IPO5: variants seen among roughly 807,000 people sequenced by gnomAD.
IPO5 encodes the protein importin 5.
In IPO5, 18 loss-of-function variants were observed where a neutral mutation model predicts 143.3. The ratio of observed to expected loss-of-function variants is 0.13; its 90% CI spans 0.09 to 0.19. The LOEUF is 0.19. Among genes scored for constraint, IPO5 ranks in the 10% least tolerant of loss-of-function variants. The pLI is 1.00. For missense variants in IPO5, 1,013 were observed against 1,336.9 expected (o/e 0.76, Z 3.78); for synonymous variants, 477 against 465.7 (o/e 1.02, Z -0.31).
chr13:98,007,600 C>G (rs1308578415), intron 17 of IPO5: 1 of 152,416 alleles, frequency 6.6e-6, no homozygotes, highest in African/African-American at 2.4e-5. Flanking sequence ...ATGTTTTTTA[C>G]CAATAAAATA....
chr13:98,006,051 C>T (rs1470184727), intron 16 of IPO5, 79 bp from the exon 17 acceptor site: 5 of 941,350 alleles, frequency 5.3e-6, no homozygotes, highest in South Asian at 1.4e-5. Context: ...CATTCAAGAA[C>T]TTGAAGGGAG....
At chr13:97,966,013 G>T (rs555245993) in intron 2 of IPO5, among the ~76,000 whole-genome samples, 1 of 151,576 alleles carries the variant, frequency 6.6e-6, no homozygotes, top group Non-Finnish European at 1.5e-5. Flanking sequence ...GTGGTGGCTT[G>T]TGCCTTAATC....
At chr13:97,999,148 A>C (rs1888547962) in intron 12 of IPO5, among the ~76,000 whole-genome samples, 1 of 152,168 alleles carries the variant, frequency 6.6e-6, no homozygotes, top group Non-Finnish European at 1.5e-5. Context: ...ATCTCAAAAA[A>C]AATAAAAAGC....
chr13:97,998,059 T>C (rs1338873092), intron 12 of IPO5, among the ~76,000 whole-genome samples: 1 of 152,214 alleles, frequency 6.6e-6, no homozygotes. Context: ...CACCGCAAGC[T>C]CCGCCTCCGG....
Position 97,997,540 on chromosome 13 carries a change from T to C in IPO5, c.923T>C (p.Met308Thr), listed in dbSNP as rs777447798. Reference protein sequence around the residue: ...TNIVAQTIPQMLAMMVDLEED... With the variant: ...TNIVAQTIPQTLAMMVDLEED... The stretch of plus-strand genomic sequence containing the variant: ...TAATTGTTTACTTTAGTTCCTCAGA[T>C]GTTAGCAATGATGGTTGATTTGGAA... Residue 308 changes from methionine (M) to threonine (T), a missense_variant, in exon 12 of 29, where the codon ATG (methionine) becomes ACG (threonine). Transcript: ENST00000651721. 2 of 1,597,654 alleles carry C rather than the reference T, an allele frequency of 1.3e-6. No individual in the cohort carries two copies. Among genetic ancestry groups the C allele is most frequent in the Non-Finnish European group, 1.7e-6 (2 of 1,165,560 alleles).
intron 4 of IPO5, among the ~76,000 whole-genome samples, chr13:97,978,973 T>A (rs1886617935): frequency 6.6e-6 from 1 of 152,224 alleles, no homozygotes; most frequent in African/African-American, 2.4e-5. Flanking sequence ...GTTTTTACTT[T>A]CTTTGTATAT....
chr13:97,973,038 C>CTTTTTTTTTTT (rs34572861), intron 3 of IPO5, among the ~76,000 whole-genome samples: 2 of 76,366 alleles, frequency 2.6e-5, no homozygotes, highest in Non-Finnish European at 4.9e-5. Flanking sequence ...CTTTTATCTT[C>CTTTTTTTTTTT]TTTTTTTTTT....
intron 12 of IPO5, among the ~76,000 whole-genome samples, chr13:98,000,296 A>AT (rs1295192050): frequency 6.6e-6 from 1 of 152,088 alleles, no homozygotes; most frequent in East Asian, 1.9e-4. Flanking sequence ...AAAAAAAAAA[A>AT]GAAAAATAAG....
chr13:98,012,960 G>GTT (rs1242568971), intron 21 of IPO5, among the ~76,000 whole-genome samples: 1 of 152,080 alleles, frequency 6.6e-6, no homozygotes, highest in Non-Finnish European at 1.5e-5. Flanking sequence ...TGTCTTAATA[G>GTT]ATTAGAGAAC....
chr13:97,991,778 G>T (rs908570813), intron 9 of IPO5, among the ~76,000 whole-genome samples: 2 of 152,210 alleles, frequency 1.3e-5, no homozygotes, highest in African/African-American at 4.8e-5. Flanking sequence ...AAAATAATTT[G>T]TGAGTTAGTT....
intron 3 of IPO5, 47 bp from the exon 4 acceptor site, chr13:97,976,646 C>T (rs371249087): frequency 1.9e-5 from 17 of 911,898 alleles, no homozygotes; most frequent in Middle Eastern, 2.7e-4. Flanking sequence ...CCCGCGAGCG[C>T]GCCTCACGGC....
intron 27 of IPO5, among the ~76,000 whole-genome samples, chr13:98,020,590 G>A (rs953814693): frequency 6.6e-6 from 1 of 152,102 alleles, no homozygotes; most frequent in African/African-American, 2.4e-5. Context: ...TTCGCTATCA[G>A]GTTTTTTCCC....
intron 4 of IPO5, chr13:97,979,858 A>T (rs977195069): frequency 2.2e-6 from 1 of 456,606 alleles, no homozygotes; most frequent in African/African-American, 2.0e-5. Flanking sequence ...AGAGGATAAC[A>T]TTGAAAAATA....
At chr13:97,971,154 C>T (rs1885796453) in intron 3 of IPO5, among the ~76,000 whole-genome samples, 1 of 152,198 alleles carries the variant, frequency 6.6e-6, no homozygotes, top group Non-Finnish European at 1.5e-5. Context: ...TGAGTCCCTC[C>T]ATCTGCAGAT....
At position 98,018,342 on chromosome 13, in the gene IPO5, C is replaced by T. The variant is rs1890258223; in HGVS notation, c.2617-143C>T. On this transcript the variant is annotated intron_variant, in intron 25 of 28. Coordinates refer to ENST00000651721, the MANE Select transcript of IPO5 (RefSeq NM_002271.6). ...GTATTTGATTGAATATCGTTGGTCA[C>T]AAGAAGTGGTTGTTACTATGTTTTC... 8 of 631,172 alleles carry T rather than the reference C, an allele frequency of 1.3e-5. No homozygotes were observed. In the South Asian group the frequency reaches 1.7e-4, roughly 13 times the overall value. The allele number at this position is 631,172 out of a possible 1,614,324, so 39.1% of individuals were successfully genotyped here.
chr13:97,974,405 C>G (rs1449801791), intron 3 of IPO5, among the ~76,000 whole-genome samples: 1 of 151,520 alleles, frequency 6.6e-6, no homozygotes, highest in Non-Finnish European at 1.5e-5. Flanking sequence ...CTCCCAGGTT[C>G]AAGTGATTCT....
intron 2 of IPO5, among the ~76,000 whole-genome samples, chr13:97,965,332 A>G (rs574915374): frequency 1.4e-4 from 21 of 152,298 alleles, no homozygotes; most frequent in African/African-American, 4.8e-4. Flanking sequence ...CGTTCTGCAC[A>G]TGTATATCGA....
intron 3 of IPO5, among the ~76,000 whole-genome samples, chr13:97,970,279 C>T (rs1885708762): frequency 6.6e-6 from 1 of 152,076 alleles, no homozygotes; most frequent in Admixed American, 6.5e-5. Context: ...AATTGTTATT[C>T]TTAATTTCCT....
intron 28 of IPO5, 22 bp from the exon 29 acceptor site, chr13:98,021,714 G>T (rs1243232402): frequency 6.9e-7 from 1 of 1,452,628 alleles, no homozygotes. Flanking sequence ...TCCTAAGTCT[G>T]TGAAAATGTT....
Sources: allele counts gnomAD v4.1 joint callset (sites outside exome capture counted in the v4.1 genomes callset), GRCh38; gene constraint gnomAD v4.1.1; transcripts MANE v1.5; gene names NCBI Gene and HGNC (gene_info 2026-07-23, HGNC 2026-07-21).